RAD51B: variants seen among roughly 807,000 people sequenced by gnomAD.
RAD51B encodes the protein RAD51 paralog B.
In RAD51B, 38 loss-of-function variants were observed where a neutral mutation model predicts 42.2. That is an observed-to-expected ratio of 0.90 (90% CI 0.70 to 1.18). RAD51B has a LOEUF of 1.18. Among genes scored for constraint, RAD51B ranks in the 50% most tolerant of loss-of-function variants. The probability of loss-of-function intolerance (pLI) is 0.00; values close to 1 mark genes in which losing one functional copy is unlikely to be tolerated. For synonymous variants in RAD51B, 154 were observed against 145.2 expected, an observed-to-expected ratio of 1.06 and a Z score of -0.43; for missense variants, 373 against 400.7, an observed-to-expected ratio of 0.93 and a Z score of 0.59.
intron 7 of RAD51B, among the ~76,000 whole-genome samples, chr14:68,263,997 C>T (rs147657358): frequency 7.9e-5 from 12 of 152,368 alleles, no homozygotes; most frequent in Non-Finnish European, 1.2e-4. Context: ...CTTCTGGGAA[C>T]GGCCAAGGCC....
chr14:68,482,267 G>T (rs1273936551), downstream of RAD51B, among the ~76,000 whole-genome samples: 1 of 151,782 alleles, frequency 6.6e-6, no homozygotes, highest in Non-Finnish European at 1.5e-5. Context: ...TTCTATTAAG[G>T]TATTGCAGTC....
Position 68,144,927 on chromosome 14 carries a change from T to C in RAD51B, c.757-146957T>C, listed in dbSNP as rs35101237. 6.1e-3 allele frequency among the ~76,000 whole-genome samples: 933 copies of C among 152,330 alleles called. 17 individuals carry two copies. Among genetic ancestry groups the C allele is most frequent in the Non-Finnish European group, 3.7e-3 (255 of 68,032 alleles). On this transcript the variant is annotated intron_variant, in intron 7 of 10. Coordinates refer to ENST00000471583, the MANE Select transcript of RAD51B (RefSeq NM_133510.4). ...AGATAACACTACAAAGCCATTTTTT[T>C]CCATTTCTGCCTGTATAATTTCCTC... is the stretch of plus-strand genomic sequence containing the variant.
chr14:68,647,512 G>T (rs2140135077), intron 10 of RAD51B, among the ~76,000 whole-genome samples: 1 of 152,076 alleles, frequency 6.6e-6, no homozygotes, highest in South Asian at 2.1e-4. Context: ...TAATTTTAGA[G>T]CCTGTTAAGG....
intron 10 of RAD51B, among the ~76,000 whole-genome samples, chr14:68,523,063 G>A (rs1027989993): frequency 1.4e-4 from 22 of 152,150 alleles, no homozygotes; most frequent in Non-Finnish European, 2.1e-4. Flanking sequence ...GTGAATCCCC[G>A]GGGACCCTTT....
intron 7 of RAD51B, among the ~76,000 whole-genome samples, chr14:67,977,714 C>G (rs1243399697): frequency 1.3e-5 from 2 of 152,152 alleles, no homozygotes; most frequent in Non-Finnish European, 2.9e-5. Flanking sequence ...AAGTTAAAGT[C>G]AGGTAATGAT....
intron 7 of RAD51B, among the ~76,000 whole-genome samples, chr14:67,918,789 T>C (rs1266736882): frequency 8.5e-5 from 13 of 152,134 alleles, no homozygotes. Context: ...TGAGGGAAAA[T>C]TATGACAAAC....
chr14:68,235,703 C>CAA (rs57180468), intron 7 of RAD51B, among the ~76,000 whole-genome samples: 200 of 14,054 alleles, frequency 0.014, 40 homozygotes, highest in Non-Finnish European at 0.023. Context: ...GACTCCGTCT[C>CAA]AAAAAAAAAA....
intron 7 of RAD51B, among the ~76,000 whole-genome samples, chr14:67,893,501 C>A (rs1480693299): frequency 0.29 from 27,539 of 93,938 alleles, 4,524 homozygotes; most frequent in Middle Eastern, 0.34. Context: ...CACACACACA[C>A]ACACACACAA....
intron 7 of RAD51B, among the ~76,000 whole-genome samples, chr14:68,212,134 T>C (rs1380991756): frequency 5.3e-5 from 8 of 152,230 alleles, no homozygotes; most frequent in Non-Finnish European, 7.3e-5. Flanking sequence ...CAAGGTCAAA[T>C]TTCTGTGCCT....
chr14:68,045,553 G>A (rs971306193), intron 7 of RAD51B, among the ~76,000 whole-genome samples: 2 of 152,156 alleles, frequency 1.3e-5, no homozygotes, highest in Admixed American at 6.6e-5. Flanking sequence ...AAAACCCAGT[G>A]AGGATCATAG....
intron 10 of RAD51B, among the ~76,000 whole-genome samples, chr14:68,473,505 CA>C (rs1382830481): frequency 1.3e-5 from 2 of 152,192 alleles, no homozygotes; most frequent in African/African-American, 4.8e-5. Context: ...CCCCTCCCTC[CA>C]TGACATCTTC....
intron 7 of RAD51B, among the ~76,000 whole-genome samples, chr14:67,983,610 T>C (rs755082586): frequency 1.3e-5 from 2 of 152,236 alleles, no homozygotes; most frequent in Non-Finnish European, 2.9e-5. Context: ...TATATAATGA[T>C]GTTTAAGAGG....
At chr14:68,285,990 G>C (rs1435297296) in intron 7 of RAD51B, among the ~76,000 whole-genome samples, 1 of 152,336 alleles carries the variant, frequency 6.6e-6, no homozygotes, top group East Asian at 1.9e-4. Context: ...AGTCTGAAAA[G>C]ACTTTTATCA....
At chr14:67,866,757 T>A (rs1380638917) in intron 5 of RAD51B, among the ~76,000 whole-genome samples, 1 of 152,246 alleles carries the variant, frequency 6.6e-6, no homozygotes, top group African/African-American at 2.4e-5. Flanking sequence ...GTCTTATGTT[T>A]TTTGTCTTTG....
chr14:68,226,843 C>T (rs533501078), intron 7 of RAD51B, among the ~76,000 whole-genome samples: 1 of 152,302 alleles, frequency 6.6e-6, no homozygotes, highest in African/African-American at 2.4e-5. Context: ...GGCCAGGACT[C>T]ATTTATTTTA....
chr14:68,132,313 A>G (rs2077909820), intron 7 of RAD51B, among the ~76,000 whole-genome samples: 1 of 152,216 alleles, frequency 6.6e-6, no homozygotes, highest in South Asian at 2.1e-4. Flanking sequence ...TGTACAGACA[A>G]AAAGTAATGA....
intron 7 of RAD51B, among the ~76,000 whole-genome samples, chr14:68,081,725 C>G (rs1357710572): frequency 6.6e-6 from 1 of 152,116 alleles, no homozygotes; most frequent in Admixed American, 6.5e-5. Context: ...TGGCTTGCTT[C>G]TTCAGTGCCC....
chr14:68,547,167 G>A (rs752820906), intron 10 of RAD51B, among the ~76,000 whole-genome samples: 28 of 152,174 alleles, frequency 1.8e-4, no homozygotes, highest in African/African-American at 7.2e-5. Context: ...TTCAGGTTCC[G>A]GCACGATTAG....
At chr14:68,368,341 C>A (rs553124958) in intron 8 of RAD51B, among the ~76,000 whole-genome samples, 1 of 152,342 alleles carries the variant, frequency 6.6e-6, no homozygotes, top group South Asian at 2.1e-4. Flanking sequence ...CCTTCATCCT[C>A]CATTCTCCCA....
Sources: allele counts gnomAD v4.1 joint callset (sites outside exome capture counted in the v4.1 genomes callset), GRCh38; gene constraint gnomAD v4.1.1; transcripts MANE v1.5; gene names NCBI Gene and HGNC (gene_info 2026-07-23, HGNC 2026-07-21).